Variants in BRWD1 observed in about 807,000 individuals in gnomAD.
BRWD1 encodes bromodomain and WD repeat domain containing 1, also known as bromodomain and WD repeat-containing protein 1.
Under a neutral mutation model 251.2 loss-of-function variants are expected in BRWD1, and 82 were observed. The observed-to-expected ratio is 0.33, with a 90% CI of 0.27 to 0.39. The LOEUF is 0.39. BRWD1 is among the 10% of genes least tolerant of loss of function. BRWD1 has a pLI of 1.00. For missense variants in BRWD1, 2,233 were observed against 2,711.6 expected, an observed-to-expected ratio of 0.82 and a Z score of 3.92; for synonymous variants, 918 against 902.8, an observed-to-expected ratio of 1.02 and a Z score of -0.30.
chr21:39,249,950 GTGTGTGTA>G (rs1472077603), intron 20 of BRWD1, among the ~76,000 whole-genome samples: 3 of 135,524 alleles, frequency 2.2e-5, no homozygotes, highest in Non-Finnish European at 3.3e-5. Flanking sequence ...GTGTGTGTGT[GTGTGTGTA>G]TACACACACA....
Position 39,313,354 on chromosome 21 carries a change from G to GGCCAGGGGAGCCGGGGGA in BRWD1, c.49+71_50-56dup. On this transcript the variant is annotated intron_variant, in intron 1 of 40. Transcript: ENST00000342449. ...CCCGGCGGGGAGGGGAGGGGGACGG[G>GGCCAGGGGAGCCGGGGGA]GCCAGGGGAGCCGGGGGAGCCCGGG... The GGCCAGGGGAGCCGGGGGA allele has an allele frequency of 2.0e-6, 3 of 1,466,332 alleles. No homozygotes were observed. The South Asian group carries it at 3.8e-5, about 18-fold the overall frequency. The allele number at this position is 1,466,332 out of a possible 1,614,324, so 90.8% of individuals were successfully genotyped here.
In BRWD1 at chr21:39,312,946, G is replaced by GGGGGGGC. The variant is rs753029578; in HGVS notation, c.139-53_139-47dup. On this transcript the variant is annotated intron_variant, in intron 3 of 40. Coordinates refer to ENST00000342449, the MANE Select transcript of BRWD1 (RefSeq NM_033656.4). ...CACGAGTGACCACCCCTCCGGCGCG[G>GGGGGGGC]GGGGGGCGGGGGGCGGGGGGCCGGG... The GGGGGGGC allele has an allele frequency of 7.5e-5, 55 of 736,686 alleles. 1 individual carries two copies. The South Asian group carries it at 1.1e-3, about 15-fold the overall frequency. The allele number at this position is 736,686 out of a possible 1,614,324, so 45.6% of individuals were successfully genotyped here. A position where few individuals can be genotyped will look rare whatever the true frequency, so the allele number is the denominator to read the frequency against.
At chr21:39,311,871 CT>C (rs1381025864) in intron 4 of BRWD1, among the ~76,000 whole-genome samples, 1 of 152,128 alleles carries the variant, frequency 6.6e-6, no homozygotes, top group Non-Finnish European at 1.5e-5. Context: ...TCTTCTACCA[CT>C]TTTTTTTCTT....
intron 36 of BRWD1, among the ~76,000 whole-genome samples, chr21:39,207,450 A>AC (rs1290413809): frequency 3.2e-5 from 4 of 125,468 alleles, no homozygotes; most frequent in East Asian, 2.2e-4. Flanking sequence ...AAAAAAAAGA[A>AC]AACACACACA....
At chr21:39,220,839 A>G (rs2033146651) in intron 29 of BRWD1, among the ~76,000 whole-genome samples, 1 of 152,164 alleles carries the variant, frequency 6.6e-6, no homozygotes, top group Non-Finnish European at 1.5e-5. Flanking sequence ...CCGAAAGAAA[A>G]TATAAATATA....
upstream of BRWD1, among the ~76,000 whole-genome samples, chr21:39,318,024 T>G (rs1398218715): frequency 1.3e-5 from 2 of 152,174 alleles, no homozygotes; most frequent in Admixed American, 1.3e-4. Context: ...TGCTCCAGCC[T>G]GGGCAACAGA....
intron 8 of BRWD1, among the ~76,000 whole-genome samples, chr21:39,286,724 C>A (rs957151564): frequency 9.2e-5 from 14 of 151,882 alleles, no homozygotes; most frequent in Admixed American, 7.2e-4. Flanking sequence ...TTATGTTGGT[C>A]AGGCTGGTCT....
chr21:39,206,215 A>G lies in BRWD1; in HGVS notation c.4257T>C (p.Ser1419=). Residue 1419 remains serine (S), a synonymous_variant, in exon 37 of 41, where the codon TCT becomes TCC. Coordinates refer to ENST00000342449, the MANE Select transcript of BRWD1 (RefSeq NM_033656.4). ...ATTTTTGACCAATTTTAAAATCAGA[A>G]GAGATTTTCTTCATTTTTTCTTCAA... ...ALFEEKMKKI[S]SDFKIGQKFN... is the part of the protein sequence containing the mutation. 6.2e-7 allele frequency: 1 copy of G among 1,610,956 alleles called. No individual in the cohort carries two copies. Among genetic ancestry groups the G allele is most frequent in the Non-Finnish European group, 8.5e-7 (1 of 1,177,536 alleles).
chr21:39,294,476 TGAAAC>T (rs1196276390), intron 7 of BRWD1, among the ~76,000 whole-genome samples: 2 of 20,898 alleles, frequency 9.6e-5, no homozygotes, highest in African/African-American at 7.6e-4. Flanking sequence ...GCTAAGGCAG[TGAAAC>T]CTTTCTACTA....
Position 39,201,104 on chromosome 21 carries a change from C to T in BRWD1, c.4586-718G>A, listed in dbSNP as rs538191612. Among the ~76,000 whole-genome samples, 3 of 152,314 alleles carry T rather than the reference C, an allele frequency of 2.0e-5. No individual in the cohort carries two copies. In the South Asian group the frequency reaches 6.2e-4, roughly 32 times the overall value. On this transcript the variant is annotated intron_variant, in intron 38 of 40. Coordinates refer to ENST00000342449, the MANE Select transcript of BRWD1 (RefSeq NM_033656.4). Reference sequence around the variant, plus strand: ...CCAGCATTTCAGAAGACATAGTTTGCATGTCTCACCATCCTTTTACCCATT... The same window carrying T: ...CCAGCATTTCAGAAGACATAGTTTGTATGTCTCACCATCCTTTTACCCATT...
Position 39,301,723 on chromosome 21 carries a change from C to A in BRWD1, c.199-3141G>T, listed in dbSNP as rs763530181. 2.6e-4 allele frequency among the ~76,000 whole-genome samples: 40 copies of A among 151,974 alleles called. 1 individual carries two copies. Among genetic ancestry groups the A allele is most frequent in the South Asian group, 1.2e-3 (6 of 4,826 alleles). The stretch of plus-strand genomic sequence containing the variant: ...AATTTTGGGGTAATTTGTTATACAG[C>A]AATAGATCATGACTACAGGACAACA... On this transcript the variant is annotated intron_variant, in intron 4 of 40. Coordinates refer to ENST00000342449, the MANE Select transcript of BRWD1 (RefSeq NM_033656.4).
At chr21:39,273,105 T>G (rs1309416971) in intron 13 of BRWD1, among the ~76,000 whole-genome samples, 1 of 152,218 alleles carries the variant, frequency 6.6e-6, no homozygotes, top group Admixed American at 6.5e-5. Context: ...AAAAGTCCCC[T>G]TCATGGATCG....
At chr21:39,279,657 G>GA (rs762764578) in intron 9 of BRWD1, among the ~76,000 whole-genome samples, 14 of 111,018 alleles carry the variant, frequency 1.3e-4, no homozygotes, top group South Asian at 2.8e-4. Context: ...AAAAAAAAAA[G>GA]AAAAAAAAAA....
chr21:39,215,152 T>C, intron 32 of BRWD1, 85 bp downstream of exon 32: 2 of 1,405,832 alleles, frequency 1.4e-6, no homozygotes, highest in Non-Finnish European at 2.0e-6. Context: ...TTAACAGGCA[T>C]GAGCCACCAC....
chr21:39,293,609 C>T lies in BRWD1; in HGVS notation c.831+202G>A, dbSNP rs1014618428. ...AGTTCAACCATAAACCCCAAAATAT[C>T]AATAAGCCTTCATGTAAATATGCAT... On this transcript the variant is annotated intron_variant, in intron 8 of 40. Transcript: ENST00000342449. Among the ~76,000 whole-genome samples the T allele has an allele frequency of 2.0e-5, 3 of 152,110 alleles. No individual in the cohort carries two copies. The East Asian group carries it at 5.8e-4, about 29-fold the overall frequency.
intron 31 of BRWD1, chr21:39,217,091 T>A (rs2032978857): frequency 2.5e-5 from 1 of 39,336 alleles, no homozygotes; most frequent in Non-Finnish European, 5.0e-5. Context: ...ATATTTTTTT[T>A]TTTTTTTTTT....
At chr21:39,313,815 G>A (rs557224573), upstream of BRWD1, 31 of 360,236 alleles carry the variant, frequency 8.6e-5, 1 homozygote, top group South Asian at 8.4e-4. Context: ...CGGAGGCAAA[G>A]ACCTGGGCGC....
intron 4 of BRWD1, among the ~76,000 whole-genome samples, chr21:39,305,676 A>G (rs1448136890): frequency 6.6e-6 from 1 of 152,112 alleles, no homozygotes; most frequent in African/African-American, 2.4e-5. Context: ...CATCCTGGCC[A>G]ACACGGTGAA....
At chr21:39,204,468 A>G (rs544135059) in intron 37 of BRWD1, among the ~76,000 whole-genome samples, 27 of 152,340 alleles carry the variant, frequency 1.8e-4, no homozygotes, top group African/African-American at 6.3e-4. Context: ...CAAAGAATAT[A>G]GAATGTAAAT....
Sources: allele counts gnomAD v4.1 joint callset (sites outside exome capture counted in the v4.1 genomes callset), GRCh38; gene constraint gnomAD v4.1.1; transcripts MANE v1.5; gene names NCBI Gene and HGNC (gene_info 2026-07-23, HGNC 2026-07-21).